Variants in ACAD9 observed in about 807,000 individuals in gnomAD.
ACAD9 encodes acyl-CoA dehydrogenase family member 9, also known as complex I assembly factor ACAD9, mitochondrial.
Under a neutral mutation model 70.2 loss-of-function variants are expected in ACAD9, and 53 were observed. That is an observed-to-expected ratio of 0.75 (90% CI 0.61 to 0.95). The LOEUF is 0.95. Ranked by LOEUF, ACAD9 falls within the 40% of genes least tolerant of loss-of-function variation. The pLI is 0.00. For synonymous variants in ACAD9, 313 were observed against 312.1 expected, an observed-to-expected ratio of 1.00 and a Z score of -0.03; for missense variants, 777 against 802.8, an observed-to-expected ratio of 0.97 and a Z score of 0.39.
chr3:128,906,284 AC>A (rs1375093740), intron 12 of ACAD9, 35 bp downstream of exon 12: 15 of 1,600,784 alleles, frequency 9.4e-6, no homozygotes, highest in Non-Finnish European at 1.1e-5. Context: ...GCTGTGCTCC[AC>A]CCCCACCCTG....
chr3:128,912,582 C>T lies in ACAD9; in HGVS notation c.1841C>T (p.Ala614Val). 6.2e-7 allele frequency: 1 copy of T among 1,614,138 alleles called. No individual in the cohort carries two copies. Among genetic ancestry groups the T allele is most frequent in the South Asian group, 1.1e-5 (1 of 91,086 alleles). ...CTTGAGAAGCGAGCCTATATCTGTG[C>T]CCACCCTCTGGACAGGACATGCTGA... ...QILEKRAYIC[A>V]HPLDRTC Residue 614 changes from alanine (A) to valine (V), a missense_variant, in exon 18 of 18, where the codon GCC becomes GTC. Physicochemically the swap from Ala to Val is moderately conservative, Grantham distance 64. Transcript: ENST00000308982.
In ACAD9 at chr3:128,883,481, C is replaced by T. The variant is rs111251922; in HGVS notation, c.151-1172C>T. Among the ~76,000 whole-genome samples the T allele has an allele frequency of 4.5e-3, 691 of 152,160 alleles. 2 individuals carry two copies. The highest frequency in any genetic ancestry group is 0.016 in the African/African-American group (649 of 41,488). On this transcript the variant is annotated intron_variant, in intron 1 of 17. Transcript: ENST00000308982. Reference sequence around the variant, plus strand: ...CAAGCAATTCTCCTGCCTCAGCCTCCTGAGTAGCTGGGATTACAGGCGCGT... The same window carrying T: ...CAAGCAATTCTCCTGCCTCAGCCTCTTGAGTAGCTGGGATTACAGGCGCGT...
Position 128,902,451 on chromosome 3 carries a change from C to A in ACAD9, c.883-102C>A. 8.6e-7 allele frequency: 1 copy of A among 1,165,798 alleles called. No homozygotes were observed. Among genetic ancestry groups the A allele is most frequent in the Non-Finnish European group, 1.3e-6 (1 of 774,180 alleles). 72.2% of individuals were successfully genotyped at this position (1,165,798 alleles called of 1,614,324 possible). A position where few individuals can be genotyped will look rare whatever the true frequency, so the allele number is the denominator to read the frequency against. On this transcript the variant is annotated intron_variant, in intron 8 of 17. Transcript: ENST00000308982. This position sits in a 1 kb window ranked among gnomAD's most constrained non-coding sequence, Gnocchi z 4.0. ...GAGGCATTAGGATGGTGCTTTCTCC[C>A]AGCTTGAGGGAAGGCAAGCTGATCC...
rs767206706 is a variant in ACAD9 at position 128,912,570 on chromosome 3, C to A, written c.1829C>A (p.Ala610Asp). Residue 610 changes from alanine (A) to aspartate (D), a missense_variant, in exon 18 of 18, where the codon GCC (alanine) becomes GAC (aspartate). Physicochemically the swap from Ala to Asp is moderately radical, Grantham distance 126 (BLOSUM62 -2). Transcript: ENST00000308982. ...KVSQQILEKR[A>D]YICAHPLDRT... ...TCCCAGCAGATCCTTGAGAAGCGAG[C>A]CTATATCTGTGCCCACCCTCTGGAC... The A allele has an allele frequency of 2.2e-5, 35 of 1,614,044 alleles. No homozygotes were observed. Among genetic ancestry groups the A allele is most frequent in the Non-Finnish European group, 2.8e-5 (33 of 1,180,036 alleles).
At chr3:128,890,107 T>C (rs1935374005) in intron 2 of ACAD9, among the ~76,000 whole-genome samples, 1 of 150,852 alleles carries the variant, frequency 6.6e-6, no homozygotes, top group Non-Finnish European at 1.5e-5. Context: ...ATTACAGGTA[T>C]GAACCACTGC....
intron 1 of ACAD9, chr3:128,880,052 TGTGGTGGTGACGTG>T: frequency 6.6e-7 from 1 of 1,526,478 alleles, no homozygotes; most frequent in Non-Finnish European, 8.8e-7. Flanking sequence ...CCCTTGGAAA[TGTGGTGGTGACGTG>T]TTCCAGCTAA....
chr3:128,909,265 T>C (rs999424579), intron 14 of ACAD9, 79 bp from the exon 15 acceptor site: 16 of 1,600,680 alleles, frequency 1.0e-5, no homozygotes, highest in African/African-American at 1.3e-5. Flanking sequence ...GGGGCATCTC[T>C]GCCTGGTACC....
At chr3:128,883,302 C>T (rs1169855732) in intron 1 of ACAD9, among the ~76,000 whole-genome samples, 1 of 151,954 alleles carries the variant, frequency 6.6e-6, no homozygotes, top group Non-Finnish European at 1.5e-5. Flanking sequence ...GTCAGCTTCC[C>T]AAAGGACTAG....
At chr3:128,903,811 A>G (rs1935812489) in intron 9 of ACAD9, among the ~76,000 whole-genome samples, 1 of 152,170 alleles carries the variant, frequency 6.6e-6, no homozygotes, top group Admixed American at 6.5e-5. Flanking sequence ...CACAGCCTGT[A>G]AGAACCATTG....
intron 2 of ACAD9, among the ~76,000 whole-genome samples, chr3:128,890,836 T>C (rs114145289): frequency 0.014 from 2,095 of 150,626 alleles, 52 homozygotes; most frequent in African/African-American, 0.05. Context: ...GTTTATCTTT[T>C]AGAGCAATTT....
chr3:128,911,775 T>C (rs1031150468), intron 17 of ACAD9, among the ~76,000 whole-genome samples: 3 of 152,184 alleles, frequency 2.0e-5, no homozygotes, highest in African/African-American at 7.2e-5. Flanking sequence ...CGGGGAAGGC[T>C]CACGAAGGGA....
intron 11 of ACAD9, among the ~76,000 whole-genome samples, chr3:128,905,368 A>G (rs973289843): frequency 1.3e-5 from 2 of 152,192 alleles, no homozygotes; most frequent in Non-Finnish European, 2.9e-5. Flanking sequence ...TAGCTGTAAT[A>G]AAAAAGATGG....
intron 11 of ACAD9, 135 bp from the exon 12 acceptor site, chr3:128,905,986 G>C: frequency 1.7e-6 from 2 of 1,210,880 alleles, no homozygotes; most frequent in Non-Finnish European, 2.4e-6. Flanking sequence ...CAAAGGACTT[G>C]ACCACATCAC....
Position 128,896,501 on chromosome 3 carries a change from G to A in ACAD9, c.519G>A (p.Glu173=), listed in dbSNP as rs1164615902. 1.9e-6 allele frequency: 3 copies of A among 1,614,090 alleles called. No homozygotes were observed. The highest frequency in any genetic ancestry group is 2.7e-5 in the African/African-American group (2 of 74,924). Residue 173 remains glutamate (E), a synonymous_variant, in exon 5 of 18, where the codon GAG becomes GAA. Transcript: ENST00000308982. ...AKYLPKLASG[E]HIAAFCLTEP... ...ACTTGCCTAAACTGGCGTCCGGGGA[G>A]CACATTGCAGCCTTCTGCCTCACGG...
In ACAD9 at chr3:128,899,483, G is replaced by T. The variant is rs192075896; in HGVS notation, c.808+22G>T. ...AACAGTAAGTAGCTCCTGTGCGCGC[G>T]TGCGCGTGTGTGTGTGTAAGGGGGA... On this transcript the variant is annotated intron_variant, in intron 7 of 17. Coordinates refer to ENST00000308982, the MANE Select transcript of ACAD9 (RefSeq NM_014049.5). The T allele has an allele frequency of 3.1e-6, 5 of 1,611,664 alleles. No individual in the cohort carries two copies. The Admixed American group carries it at 5.0e-5, about 16-fold the overall frequency.
rs1450851763 is a variant in ACAD9, at chr3:128,899,281, C to T, written c.634-6C>T. The stretch of plus-strand genomic sequence containing the variant: ...TTTTCTCCAAAGTCCATCTTTCTGT[C>T]CTCAGGTCTGGATTACTAATGGAGG... On this transcript the variant is annotated splice_region_variant and splice_polypyrimidine_tract_variant and intron_variant, in intron 6 of 17. Coordinates refer to ENST00000308982, the MANE Select transcript of ACAD9 (RefSeq NM_014049.5). The T allele has an allele frequency of 6.2e-7, 1 of 1,614,106 alleles. No individual in the cohort carries two copies. Among genetic ancestry groups the T allele is most frequent in the Non-Finnish European group, 8.5e-7 (1 of 1,179,998 alleles).
intron 1 of ACAD9, among the ~76,000 whole-genome samples, chr3:128,880,544 C>G (rs1935059764): frequency 9.0e-6 from 1 of 111,456 alleles, no homozygotes; most frequent in African/African-American, 5.3e-5. Flanking sequence ...AGGCGCCTGC[C>G]CGGCTTTTTT....
chr3:128,904,970 C>A (rs1022719376), intron 11 of ACAD9, among the ~76,000 whole-genome samples: 1 of 152,008 alleles, frequency 6.6e-6, no homozygotes, highest in African/African-American at 2.4e-5. Flanking sequence ...CATGGTAAAA[C>A]CCCATCTCTA....
intron 11 of ACAD9, among the ~76,000 whole-genome samples, chr3:128,905,807 G>T (rs191195389): frequency 6.6e-6 from 1 of 152,136 alleles, no homozygotes. Flanking sequence ...AATCACGGCC[G>T]CTGGGGCTTG....
Sources: allele counts gnomAD v4.1 joint callset (sites outside exome capture counted in the v4.1 genomes callset), GRCh38; gene constraint gnomAD v4.1.1; non-coding constraint Gnocchi (gnomAD v3.1); transcripts MANE v1.5; gene names NCBI Gene and HGNC (gene_info 2026-07-23, HGNC 2026-07-21).